TUB: variants seen among roughly 807,000 people sequenced by gnomAD.
TUB encodes tubby protein homolog.
TUB carries 33 observed loss-of-function variants against 59.7 expected under a neutral mutation model. That is an observed-to-expected ratio of 0.55 (90% CI 0.42 to 0.74). The LOEUF (loss-of-function observed/expected upper bound fraction) is 0.74. Among genes scored for constraint, TUB ranks in the 30% least tolerant of loss-of-function variants. The probability of loss-of-function intolerance (pLI) is 0.00; values close to 1 mark genes in which losing one functional copy is unlikely to be tolerated. For missense variants in TUB, 659 were observed against 672.0 expected, an observed-to-expected ratio of 0.98 and a Z score of 0.21; for synonymous variants, 293 against 256.4, an observed-to-expected ratio of 1.14 and a Z score of -1.36.
intron 2 of TUB, among the ~76,000 whole-genome samples, chr11:8,063,271 G>A (rs927575996): frequency 6.6e-6 from 1 of 152,216 alleles, no homozygotes; most frequent in African/African-American, 2.4e-5. Flanking sequence ...GGAGTTCCTT[G>A]TGAGCATTTT....
intron 2 of TUB, among the ~76,000 whole-genome samples, chr11:8,074,416 C>G (rs1222984774): frequency 2.0e-5 from 3 of 152,086 alleles, no homozygotes. Context: ...TGTATTCCAT[C>G]TGATAAATCC....
At position 8,100,597 on chromosome 11, in the gene TUB, G is replaced by A. The variant is rs144050808; in HGVS notation, c.1211G>A (p.Arg404His). ...CATGAGAGAGTCTCTATCCGCCCCC[G>A]CAACGTGAGTGTCTACCCCTTCCTC... ...MVHERVSIRP[R>H]NEHETLLARW... Residue 404 changes from arginine to histidine, a missense_variant, in exon 10 of 12, where the codon CGC (arginine) becomes CAC (histidine). Coordinates refer to ENST00000299506, the MANE Select transcript of TUB (RefSeq NM_177972.3). The A allele has an allele frequency of 8.1e-5, 131 of 1,613,676 alleles. 3 individuals are homozygous for A. In the East Asian group the frequency reaches 8.9e-4, roughly 11 times the overall value.
chr11:8,026,802 C>T (rs1005333559), intron 1 of TUB, among the ~76,000 whole-genome samples: 1 of 152,170 alleles, frequency 6.6e-6, no homozygotes, highest in African/African-American at 2.4e-5. Flanking sequence ...AAAAAACCTG[C>T]TGGAATTTTG....
chr11:8,048,928 TATC>T (rs1231747835), intron 2 of TUB, among the ~76,000 whole-genome samples: 2 of 152,230 alleles, frequency 1.3e-5, no homozygotes, highest in African/African-American at 2.4e-5. Context: ...TTACATAAAT[TATC>T]ATATTTAATA....
chr11:8,047,729 A>G (rs1942858339), intron 2 of TUB, among the ~76,000 whole-genome samples: 1 of 152,180 alleles, frequency 6.6e-6, no homozygotes, highest in East Asian at 1.9e-4. Flanking sequence ...TCCCTGATGA[A>G]TCATCCAAAC....
chr11:8,025,654 G>A (rs1942491035), intron 1 of TUB, among the ~76,000 whole-genome samples: 1 of 152,188 alleles, frequency 6.6e-6, no homozygotes, highest in South Asian at 2.1e-4. Flanking sequence ...GCATAAATTA[G>A]TAGAGCATTT....
chr11:8,098,306 G>A (rs1186301934), intron 8 of TUB, among the ~76,000 whole-genome samples: 1 of 152,102 alleles, frequency 6.6e-6, no homozygotes, highest in African/African-American at 2.4e-5. Context: ...TACCAGATTT[G>A]GGGAGCATAA....
At chr11:8,093,085 A>G (rs1171915504) in intron 3 of TUB, among the ~76,000 whole-genome samples, 1 of 152,112 alleles carries the variant, frequency 6.6e-6, no homozygotes, top group Non-Finnish European at 1.5e-5. Flanking sequence ...AGGTGGAGAG[A>G]CAATGTTAAA....
chr11:8,029,388 C>CTTTTTTTTTTTTT (rs71059146), intron 1 of TUB, among the ~76,000 whole-genome samples: 1 of 123,578 alleles, frequency 8.1e-6, no homozygotes, highest in African/African-American at 3.0e-5. Flanking sequence ...TTCTTTCTTT[C>CTTTTTTTTTTTTT]TTTTTTTTTT....
intron 2 of TUB, among the ~76,000 whole-genome samples, chr11:8,055,231 G>A (rs1943000854): frequency 6.6e-6 from 1 of 152,036 alleles, no homozygotes; most frequent in Admixed American, 6.5e-5. Context: ...GTGCGTGTGT[G>A]AGAGAGAGAG....
intron 2 of TUB, among the ~76,000 whole-genome samples, chr11:8,056,872 G>C (rs1307100818): frequency 6.6e-6 from 1 of 152,100 alleles, no homozygotes; most frequent in Non-Finnish European, 1.5e-5. Flanking sequence ...GCAGTGATGG[G>C]AACGAACTAC....
chr11:8,089,807 C>T (rs1943736991), intron 2 of TUB, 146 bp downstream of exon 2: 2 of 1,173,484 alleles, frequency 1.7e-6, no homozygotes, highest in African/African-American at 1.5e-5. Flanking sequence ...TGCACTCTCT[C>T]CCAGCTCAGC....
chr11:8,028,002 T>C (rs959228265), intron 1 of TUB, among the ~76,000 whole-genome samples: 2 of 152,258 alleles, frequency 1.3e-5, no homozygotes, highest in African/African-American at 4.8e-5. Flanking sequence ...CTTTAGCTTT[T>C]TGAGAAACCG....
intron 2 of TUB, among the ~76,000 whole-genome samples, chr11:8,041,876 A>G (rs1942756830): frequency 6.6e-6 from 1 of 152,168 alleles, no homozygotes; most frequent in Non-Finnish European, 1.5e-5. Flanking sequence ...GTCCAAATTC[A>G]TGGCCCGCAG....
rs755923547 is a variant in TUB at position 8,095,558 on chromosome 11, T to C, written c.458T>C (p.Ile153Thr). The C allele has an allele frequency of 3.7e-6, 6 of 1,613,144 alleles. No individual in the cohort carries two copies. The South Asian group carries it at 5.5e-5, about 15-fold the overall frequency. Reference protein sequence around the residue: ...DKSEAQGPVQILTVGQSDHAQ... With the variant: ...DKSEAQGPVQTLTVGQSDHAQ... ...TCTGAGGCCCAAGGCCCAGTGCAGA[T>C]TCTGACTGTGGGCCAGTCAGACCAC... The change falls in exon 5 of 12, where the codon ATT becomes ACT. Residue 153 changes from isoleucine to threonine, a missense_variant. Ile to Thr is a moderately conservative substitution (Grantham distance 89, BLOSUM62 -1). Coordinates refer to ENST00000299506, the MANE Select transcript of TUB (RefSeq NM_177972.3).
At chr11:8,038,591 A>G (rs1942685651), upstream of TUB, 11 of 1,139,474 alleles carry the variant, frequency 9.7e-6, no homozygotes, top group South Asian at 1.5e-4. Context: ...TTGCCATGGA[A>G]ACCAGCAATT....
intron 9 of TUB, among the ~76,000 whole-genome samples, 193 bp from the exon 10 acceptor site, chr11:8,100,310 T>A (rs555642235): frequency 1.1e-4 from 17 of 152,188 alleles, no homozygotes; most frequent in African/African-American, 3.1e-4. Flanking sequence ...GGATGACGCA[T>A]AAGAGGAGCT....
chr11:8,035,078 G>A (rs148110952), upstream of TUB, among the ~76,000 whole-genome samples: 825 of 152,320 alleles, frequency 5.4e-3, 6 homozygotes, highest in African/African-American at 0.018. Flanking sequence ...GCTGAGACTA[G>A]GGTGAGGCTA....
At chr11:8,080,223 T>TGCACACGAGGAC (rs1564913089), upstream of TUB, among the ~76,000 whole-genome samples, 1 of 152,228 alleles carries the variant, frequency 6.6e-6, no homozygotes, top group East Asian at 1.9e-4. Context: ...GAATCCAGGA[T>TGCACACGAGGAC]GCACACGAGG....
Sources: allele counts gnomAD v4.1 joint callset (sites outside exome capture counted in the v4.1 genomes callset), GRCh38; gene constraint gnomAD v4.1.1; transcripts MANE v1.5; gene names NCBI Gene and HGNC (gene_info 2026-07-23, HGNC 2026-07-21).